ARHGAP44: variants seen among roughly 807,000 people sequenced by gnomAD.
The protein encoded by ARHGAP44 is Rho GTPase activating protein 44, also known as rho GTPase-activating protein 44.
A neutral mutation model predicts 106.8 loss-of-function variants in ARHGAP44; 43 were observed. The observed-to-expected ratio is 0.40, with a 90% CI of 0.32 to 0.52. The LOEUF (loss-of-function observed/expected upper bound fraction) is 0.52, where lower values mean the gene tolerates loss of function less well. Ranked by LOEUF, ARHGAP44 falls within the 20% of genes least tolerant of loss-of-function variation. The pLI, the probability that ARHGAP44 is intolerant of heterozygous loss-of-function variation, is 0.48. For missense variants in ARHGAP44, 866 were observed against 1,050.5 expected, an observed-to-expected ratio of 0.82 and a Z score of 2.43; for synonymous variants, 439 against 410.3, an observed-to-expected ratio of 1.07 and a Z score of -0.85.
chr17:12,856,821 G>T (rs2035924468), intron 1 of ARHGAP44, among the ~76,000 whole-genome samples: 1 of 152,200 alleles, frequency 6.6e-6, no homozygotes, highest in Non-Finnish European at 1.5e-5. Flanking sequence ...GATGCTTAGT[G>T]AAAGCTTAAT....
chr17:12,918,225 GT>G (rs1197519575), intron 5 of ARHGAP44, among the ~76,000 whole-genome samples: 1 of 152,328 alleles, frequency 6.6e-6, no homozygotes, highest in East Asian at 1.9e-4. Context: ...TCGGAGCTGG[GT>G]GGTGACTCAG....
chr17:12,809,131 A>G (rs2034364816), intron 1 of ARHGAP44, among the ~76,000 whole-genome samples: 1 of 152,150 alleles, frequency 6.6e-6, no homozygotes, highest in Non-Finnish European at 1.5e-5. Flanking sequence ...CTTCATCTCC[A>G]TCTGAGATGA....
At chr17:12,946,757 C>T (rs528191227) in intron 10 of ARHGAP44, among the ~76,000 whole-genome samples, 31 of 150,094 alleles carry the variant, frequency 2.1e-4, no homozygotes, top group African/African-American at 7.1e-4. Flanking sequence ...GCCGAGATCA[C>T]GCCACTGCAC....
intron 1 of ARHGAP44, among the ~76,000 whole-genome samples, chr17:12,828,028 CAAA>C (rs60301804): frequency 0.041 from 3,009 of 73,872 alleles, 79 homozygotes; most frequent in African/African-American, 0.12. Flanking sequence ...CTGGCCATCT[CAAA>C]AAAAAAAAAA....
chr17:12,878,446 GT>G (rs1245357809), intron 1 of ARHGAP44, among the ~76,000 whole-genome samples: 1 of 152,116 alleles, frequency 6.6e-6, no homozygotes, highest in African/African-American at 2.4e-5. Flanking sequence ...TATACAGAAA[GT>G]TTAAAAAGAT....
At chr17:12,903,442 T>C (rs191231362) in intron 3 of ARHGAP44, among the ~76,000 whole-genome samples, 4 of 152,230 alleles carry the variant, frequency 2.6e-5, no homozygotes, top group East Asian at 1.9e-4. Flanking sequence ...TGAAGTTTGC[T>C]AAGATCTTTT....
At chr17:12,943,503 ACC>A in intron 8 of ARHGAP44, 83 bp from the exon 9 acceptor site, 1 of 1,281,764 alleles carries the variant, frequency 7.8e-7, no homozygotes, top group East Asian at 2.3e-5. Context: ...ATGTGGAAGC[ACC>A]TTTCTGCAAA....
At chr17:12,834,959 AATT>A (rs1194778450) in intron 1 of ARHGAP44, among the ~76,000 whole-genome samples, 7 of 152,184 alleles carry the variant, frequency 4.6e-5, no homozygotes, top group Admixed American at 4.6e-4. Flanking sequence ...AATTGCCTGT[AATT>A]ATTTTGAGTT....
chr17:12,851,367 AAGGT>A (rs2035734373), intron 1 of ARHGAP44, among the ~76,000 whole-genome samples: 1 of 152,224 alleles, frequency 6.6e-6, no homozygotes, highest in African/African-American at 2.4e-5. Flanking sequence ...AGAAGTCTAA[AAGGT>A]AGGAAAGCTG....
At position 12,974,227 on chromosome 17, in the gene ARHGAP44, G is replaced by A. The variant is rs775453214; in HGVS notation, c.1680G>A (p.Leu560=). 20 of 1,545,888 alleles carry A rather than the reference G, an allele frequency of 1.3e-5. No homozygotes were observed. Among genetic ancestry groups the A allele is most frequent in the Non-Finnish European group, 1.7e-5 (19 of 1,145,390 alleles). The change falls in exon 18 of 21, where the codon CTG becomes CTA. Residue 560 remains leucine (L), a synonymous_variant. Transcript: ENST00000379672. ...TGGCTGCGCCCCTGCCTTCGCCGCT[G>A]CCGGAGCAGCCCCTGGACAGCCCCG... ...AELAAPLPSP[L]PEQPLDSPAA... is the part of the protein sequence containing the mutation.
chr17:12,978,579 C>T (rs1380935613), intron 18 of ARHGAP44, among the ~76,000 whole-genome samples: 5 of 152,064 alleles, frequency 3.3e-5, no homozygotes, highest in Admixed American at 6.5e-5. Context: ...CCTCAGTGGA[C>T]GAGAGTGCTC....
At chr17:12,942,167 G>A (rs568230544) in intron 8 of ARHGAP44, among the ~76,000 whole-genome samples, 66 of 152,228 alleles carry the variant, frequency 4.3e-4, no homozygotes, top group Admixed American at 1.8e-3. Flanking sequence ...TATTTTTTGA[G>A]ATGGAGTCTC....
Position 12,876,690 on chromosome 17 carries a change from G to A in ARHGAP44, c.54-18250G>A, listed in dbSNP as rs141693390. Among the ~76,000 whole-genome samples, 12 of 151,988 alleles carry A rather than the reference G, an allele frequency of 7.9e-5. No individual in the cohort carries two copies. The South Asian group carries it at 1.7e-3, about 21-fold the overall frequency. ...AGCACTTTGGGAGGCTGAGGTGGGC[G>A]GATCACGGACAGGAGATCGAGACCA... is the stretch of plus-strand genomic sequence containing the variant. On this transcript the variant is annotated intron_variant, in intron 1 of 20. Transcript: ENST00000379672.
chr17:12,802,956 TATATATATATA>T (rs1180230871), intron 1 of ARHGAP44, among the ~76,000 whole-genome samples: 88 of 25,844 alleles, frequency 3.4e-3, no homozygotes, highest in African/African-American at 6.2e-3. Context: ...TATATATATA[TATATATATATA>T]TATTTTTTTT....
intron 1 of ARHGAP44, among the ~76,000 whole-genome samples, chr17:12,814,885 C>T (rs2034553378): frequency 1.3e-5 from 2 of 152,086 alleles, no homozygotes; most frequent in Admixed American, 6.6e-5. Context: ...CCCTCCTTTA[C>T]TTTTCACACA....
At chr17:12,975,782 C>T (rs181982265) in intron 18 of ARHGAP44, among the ~76,000 whole-genome samples, 9 of 110,360 alleles carry the variant, frequency 8.2e-5, no homozygotes, top group Admixed American at 1.4e-4. Context: ...TGGGTGACAG[C>T]GTGACTCCGT....
chr17:12,961,068 C>T (rs997924960), intron 16 of ARHGAP44, among the ~76,000 whole-genome samples: 4 of 152,110 alleles, frequency 2.6e-5, no homozygotes, highest in Non-Finnish European at 4.4e-5. Flanking sequence ...TATTCCTTCC[C>T]AGGTGTTTCT....
At chr17:12,859,672 T>C (rs969854739) in intron 1 of ARHGAP44, among the ~76,000 whole-genome samples, 7 of 152,218 alleles carry the variant, frequency 4.6e-5, no homozygotes, top group African/African-American at 1.7e-4. Context: ...ACCCAGGACT[T>C]GTTTGGAGCA....
At chr17:12,793,632 C>T (rs1567616380) in intron 1 of ARHGAP44, among the ~76,000 whole-genome samples, 3 of 151,882 alleles carry the variant, frequency 2.0e-5, no homozygotes, top group African/African-American at 2.4e-5. Context: ...CGCTTGAACC[C>T]GGGAGGTGGA....
Sources: allele counts gnomAD v4.1 joint callset (sites outside exome capture counted in the v4.1 genomes callset), GRCh38; gene constraint gnomAD v4.1.1; transcripts MANE v1.5; gene names NCBI Gene and HGNC (gene_info 2026-07-23, HGNC 2026-07-21).